The following TMEM238L variants were observed in gnomAD, a reference collection of about 807,000 sequenced individuals.
TMEM238L encodes the protein transmembrane protein 238 like.
intron 1 of TMEM238L, among the ~76,000 whole-genome samples, 153 bp downstream of exon 1, chr17:10,803,453 C>G (rs1170777871): frequency 6.6e-6 from 1 of 152,200 alleles, no homozygotes; most frequent in Non-Finnish European, 1.5e-5. Context: ...CTTGGCTGGC[C>G]ACCCCAGCAG....
chr17:10,797,407 T>TCCCTCCCTCCCTC (rs1567609049), intron 1 of TMEM238L, among the ~76,000 whole-genome samples: 1 of 47,650 alleles, frequency 2.1e-5, no homozygotes, highest in Non-Finnish European at 3.6e-5. Context: ...CTCCCTCCCT[T>TCCCTCCCTCCCTC]CCTTCCTTCC....
chr17:10,804,086 C>A, exon 1 of TMEM238L: 1 of 399,076 alleles, frequency 2.5e-6, no homozygotes. Context: ...CGAGCTGGCG[C>A]TTCTTGGAGC....
chr17:10,801,422 A>G (rs1422238418), intron 1 of TMEM238L, among the ~76,000 whole-genome samples: 1 of 152,118 alleles, frequency 6.6e-6, no homozygotes, highest in Non-Finnish European at 1.5e-5. Context: ...GCCTCTGTCT[A>G]CCACAGAGCC....
rs1318900559 is a variant in TMEM238L, at chr17:10,803,778, C to CT, written c.185_186insA (p.Trp62Ter). ...CAATGTTGAGGGAATACCAGATGAT[C>CT]CAGAGCAGTAGGCTGAGAGCCAGGA... is the stretch of plus-strand genomic sequence containing the variant. Residue 62 changes from tryptophan (W) to a stop codon, truncating the protein, a stop_gained and frameshift_variant, in exon 1 of 2, where the codon TGG (tryptophan) becomes TGAG (stop). Transcript: ENST00000581851. LOFTEE classifies it high-confidence loss of function. 10 of 399,534 alleles carry CT rather than the reference C, an allele frequency of 2.5e-5. No homozygotes were observed. Among genetic ancestry groups the CT allele is most frequent in the Non-Finnish European group, 4.4e-5 (10 of 226,334 alleles). 24.7% of individuals were successfully genotyped at this position (399,534 alleles called of 1,614,324 possible). A position where few individuals can be genotyped will look rare whatever the true frequency, so the allele number is the denominator to read the frequency against.
At chr17:10,803,259 C>T (rs1904800517) in intron 1 of TMEM238L, among the ~76,000 whole-genome samples, 5 of 152,190 alleles carry the variant, frequency 3.3e-5, no homozygotes, top group Admixed American at 3.3e-4. Flanking sequence ...AGAGATTCTT[C>T]CCAACAGAGA....
chr17:10,798,751 G>A (rs1904639022), intron 1 of TMEM238L, among the ~76,000 whole-genome samples: 1 of 151,854 alleles, frequency 6.6e-6, no homozygotes, highest in South Asian at 2.1e-4. Context: ...ATGAACACGT[G>A]GAGTAGAAGA....
intron 1 of TMEM238L, chr17:10,802,539 C>A (rs1404622222): frequency 6.6e-6 from 1 of 152,614 alleles, no homozygotes; most frequent in Admixed American, 6.5e-5. Context: ...ACTGAGACCT[C>A]TTCATTTTGC....
intron 1 of TMEM238L, among the ~76,000 whole-genome samples, chr17:10,803,256 C>T (rs1904800386): frequency 6.6e-6 from 1 of 152,214 alleles, no homozygotes; most frequent in South Asian, 2.1e-4. Flanking sequence ...AGCAGAGATT[C>T]TTCCCAACAG....
At chr17:10,800,645 C>T (rs1462979593) in intron 1 of TMEM238L, among the ~76,000 whole-genome samples, 1 of 152,162 alleles carries the variant, frequency 6.6e-6, no homozygotes, top group African/African-American at 2.4e-5. Flanking sequence ...TATTAATCCA[C>T]CTAATCTGGG....
rs140521515 is a variant in TMEM238L, at chr17:10,801,793, T to C, written c.*118+1813A>G. On this transcript the variant is annotated intron_variant, in intron 1 of 1. Coordinates refer to ENST00000581851, the Ensembl canonical transcript of TMEM238L. ...CCCCACGTCATGTGTCTTTTTTTTTTTTTAATTGAGACAGGTCTCACTCTG... is the reference window on the plus strand; with the variant it reads ...CCCCACGTCATGTGTCTTTTTTTTTCTTTAATTGAGACAGGTCTCACTCTG... Among the ~76,000 whole-genome samples the C allele has an allele frequency of 4.1e-3, 630 of 152,184 alleles. 4 individuals are homozygous for C. Among genetic ancestry groups the C allele is most frequent in the African/African-American group, 0.014 (591 of 41,538 alleles).
chr17:10,803,642 C>T (rs960841595), exon 1 of TMEM238L: 9 of 397,936 alleles, frequency 2.3e-5, no homozygotes, highest in East Asian at 3.6e-5. Context: ...GAAGCTGCAA[C>T]GTGTTGCTGC....
chr17:10,803,769 C>T lies in TMEM238L; in HGVS notation c.195G>A (p.Trp65Ter). ...GAGACACCTCAATGTTGAGGGAATACCAGATGATCCAGAGCAGTAGGCTGA... is the reference window on the plus strand; with the variant it reads ...GAGACACCTCAATGTTGAGGGAATATCAGATGATCCAGAGCAGTAGGCTGA... The change falls in exon 1 of 2, where the codon TGG becomes TGA. Residue 65 changes from tryptophan (W) to a stop codon, truncating the protein, a stop_gained. Transcript: ENST00000581851. LOFTEE classifies it high-confidence loss of function. 1 of 399,610 alleles carries T rather than the reference C, an allele frequency of 2.5e-6. No individual in the cohort carries two copies. Among genetic ancestry groups the T allele is most frequent in the Non-Finnish European group, 4.4e-6 (1 of 226,292 alleles). The allele number at this position is 399,610 out of a possible 1,614,324, so 24.8% of individuals were successfully genotyped here.
In TMEM238L at chr17:10,800,018, G is replaced by A. The variant is rs189161175; in HGVS notation, c.*118+3588C>T. ...GTGATCTCGGCTCACTGCAAGCTCCGCCTCCCGGGTCCACGCCATTCTCCT... is the reference window on the plus strand; with the variant it reads ...GTGATCTCGGCTCACTGCAAGCTCCACCTCCCGGGTCCACGCCATTCTCCT... On this transcript the variant is annotated intron_variant, in intron 1 of 1. Transcript: ENST00000581851. Among the ~76,000 whole-genome samples, 311 of 151,008 alleles carry A rather than the reference G, an allele frequency of 2.1e-3. 3 individuals are homozygous for A. The highest frequency in any genetic ancestry group is 7.0e-3 in the African/African-American group (288 of 41,098).
chr17:10,800,454 A>G (rs1399374175), intron 1 of TMEM238L, among the ~76,000 whole-genome samples: 1 of 152,228 alleles, frequency 6.6e-6, no homozygotes, highest in Non-Finnish European at 1.5e-5. Context: ...TCTTTGAACC[A>G]GGACAAAACT....
At chr17:10,797,315 C>T (rs1904584836) in intron 1 of TMEM238L, among the ~76,000 whole-genome samples, 1 of 152,020 alleles carries the variant, frequency 6.6e-6, no homozygotes, top group Non-Finnish European at 1.5e-5. Flanking sequence ...GGGCCTGGTT[C>T]AGTGAATCTT....
chr17:10,801,505 C>T (rs1191034244), intron 1 of TMEM238L, among the ~76,000 whole-genome samples: 2 of 152,186 alleles, frequency 1.3e-5, no homozygotes, highest in Non-Finnish European at 2.9e-5. Flanking sequence ...ATCCCAGGAC[C>T]TTTGCCCAAG....
chr17:10,799,941 T>C (rs1302515295), intron 1 of TMEM238L, among the ~76,000 whole-genome samples: 1 of 151,752 alleles, frequency 6.6e-6, no homozygotes, highest in African/African-American at 2.4e-5. Context: ...CATCTTTTTT[T>C]TTTTTTTTGA....
intron 1 of TMEM238L, among the ~76,000 whole-genome samples, chr17:10,796,874 G>T (rs1157682790): frequency 2.6e-5 from 4 of 152,166 alleles, no homozygotes; most frequent in African/African-American, 7.2e-5. Context: ...GCCAGGGGCT[G>T]GCAAATGTTT....
Position 10,801,821 on chromosome 17 carries a change from G to C in TMEM238L, c.*118+1785C>G, listed in dbSNP as rs184379666. Among the ~76,000 whole-genome samples the C allele has an allele frequency of 2.5e-3, 383 of 150,996 alleles. 2 individuals carry two copies. Among genetic ancestry groups the C allele is most frequent in the African/African-American group, 8.6e-3 (353 of 41,030 alleles). On this transcript the variant is annotated intron_variant, in intron 1 of 1. Transcript: ENST00000581851. ...TAATTGAGACAGGTCTCACTCTGCCGCCCAGGTTGGAATGCAGTGGTGCAA... is the reference window on the plus strand; with the variant it reads ...TAATTGAGACAGGTCTCACTCTGCCCCCCAGGTTGGAATGCAGTGGTGCAA...
Sources: allele counts gnomAD v4.1 joint callset (sites outside exome capture counted in the v4.1 genomes callset), GRCh38; gene constraint gnomAD v4.1.1; transcripts MANE v1.5; gene names NCBI Gene and HGNC (gene_info 2026-07-23, HGNC 2026-07-21).